PRDM16: variants seen among roughly 807,000 people sequenced by gnomAD.
PRDM16 encodes PR/SET domain 16.
In PRDM16, 23 loss-of-function variants were observed where a neutral mutation model predicts 110.6. That is an observed-to-expected ratio of 0.21 (90% CI 0.15 to 0.29). The LOEUF is 0.29. Among genes scored for constraint, PRDM16 ranks in the 10% least tolerant of loss-of-function variants. The pLI is 1.00. For missense variants in PRDM16, 1,615 were observed against 1,794.3 expected, an observed-to-expected ratio of 0.90 and a Z score of 1.81; for synonymous variants, 799 against 781.8, an observed-to-expected ratio of 1.02 and a Z score of -0.37.
At chr1:3,241,022 A>C (rs1639659620) in intron 2 of PRDM16, among the ~76,000 whole-genome samples, 1 of 152,222 alleles carries the variant, frequency 6.6e-6, no homozygotes, top group African/African-American at 2.4e-5. Flanking sequence ...CTGAGGGCCC[A>C]GCTAGCAAAA....
intron 1 of PRDM16, among the ~76,000 whole-genome samples, chr1:3,180,163 T>C (rs75969074): frequency 0.052 from 7,969 of 151,954 alleles, 227 homozygotes; most frequent in Admixed American, 0.072. Context: ...CTGTTGTTTC[T>C]GTTTTTTGTT....
intron 3 of PRDM16, among the ~76,000 whole-genome samples, chr1:3,303,679 A>G (rs562365518): frequency 1.3e-4 from 20 of 152,334 alleles, no homozygotes; most frequent in African/African-American, 4.8e-4. Flanking sequence ...CATTCCCACC[A>G]GTAGTGTGAG....
At chr1:3,079,032 GGTGGCTGC>G (rs372941011) in intron 1 of PRDM16, among the ~76,000 whole-genome samples, 46 of 152,354 alleles carry the variant, frequency 3.0e-4, no homozygotes, top group African/African-American at 1.0e-3. Context: ...GTGACCGCAG[GGTGGCTGC>G]GGTCCTCCCC....
chr1:3,102,241 C>T (rs886781387), intron 1 of PRDM16, among the ~76,000 whole-genome samples: 1 of 152,164 alleles, frequency 6.6e-6, no homozygotes, highest in Non-Finnish European at 1.5e-5. Flanking sequence ...GCCTCCCCAG[C>T]GGGGCTGGGA....
At chr1:3,178,220 G>T (rs554542078) in intron 1 of PRDM16, among the ~76,000 whole-genome samples, 3 of 152,340 alleles carry the variant, frequency 2.0e-5, no homozygotes, top group Admixed American at 2.0e-4. Flanking sequence ...TTTCATGAGA[G>T]AAAGCAGTTG....
intron 1 of PRDM16, among the ~76,000 whole-genome samples, chr1:3,094,853 G>C (rs1642358786): frequency 6.6e-6 from 1 of 151,750 alleles, no homozygotes; most frequent in Non-Finnish European, 1.5e-5. Context: ...CTCTGGGTGG[G>C]AAGGAGGGGG....
chr1:3,127,685 C>A lies in PRDM16; in HGVS notation c.37+58389C>A, dbSNP rs746159009. On this transcript the variant is annotated intron_variant, in intron 1 of 16. Coordinates refer to ENST00000270722, the MANE Select transcript of PRDM16 (RefSeq NM_022114.4). ...CAGTAGGACGAGGGTTGAGAGGGAC[C>A]CCCCTGGGCCATGTCCCCCTTGCGG... 4.3e-4 allele frequency among the ~76,000 whole-genome samples: 65 copies of A among 152,270 alleles called. 1 individual carries two copies. Among genetic ancestry groups the A allele is most frequent in the Non-Finnish European group, 8.5e-4 (58 of 68,052 alleles).
intron 12 of PRDM16, among the ~76,000 whole-genome samples, chr1:3,423,051 G>T (rs942045834): frequency 6.6e-6 from 1 of 152,246 alleles, no homozygotes; most frequent in African/African-American, 2.4e-5. Context: ...GCCAGAGTGA[G>T]CCTGGCCTCC....
At chr1:3,317,553 T>G (rs1033211681) in intron 3 of PRDM16, among the ~76,000 whole-genome samples, 1 of 152,194 alleles carries the variant, frequency 6.6e-6, no homozygotes, top group Non-Finnish European at 1.5e-5. Context: ...CCCCACTCCC[T>G]CTCAGTGCCT....
At chr1:3,217,183 C>T (rs975691841) in intron 2 of PRDM16, among the ~76,000 whole-genome samples, 1 of 152,272 alleles carries the variant, frequency 6.6e-6, no homozygotes, top group African/African-American at 2.4e-5. Flanking sequence ...GGGCATTCGC[C>T]CGTGTGTGAG....
At chr1:3,313,209 T>C (rs1409063323) in intron 3 of PRDM16, among the ~76,000 whole-genome samples, 2 of 152,218 alleles carry the variant, frequency 1.3e-5, no homozygotes, top group East Asian at 3.9e-4. Context: ...CACGGAGCCT[T>C]AGACATCGAG....
chr1:3,127,772 C>T (rs996919087), intron 1 of PRDM16, among the ~76,000 whole-genome samples: 4 of 152,212 alleles, frequency 2.6e-5, no homozygotes, highest in African/African-American at 7.2e-5. Context: ...AGTGTGAAGG[C>T]CTGAGGCCTG....
At chr1:3,383,667 C>T (rs1345386136) in intron 3 of PRDM16, among the ~76,000 whole-genome samples, 4 of 152,134 alleles carry the variant, frequency 2.6e-5, no homozygotes, top group Admixed American at 6.5e-5. Context: ...AGCACCAGGC[C>T]CGAAATGGCT....
intron 2 of PRDM16, among the ~76,000 whole-genome samples, chr1:3,187,798 C>T (rs1644287621): frequency 6.6e-6 from 1 of 152,156 alleles, no homozygotes; most frequent in African/African-American, 2.4e-5. Context: ...AGGAGCTACT[C>T]CCTGAGTGTC....
At chr1:3,238,983 G>A (rs531792389) in intron 2 of PRDM16, among the ~76,000 whole-genome samples, 3 of 152,336 alleles carry the variant, frequency 2.0e-5, no homozygotes, top group South Asian at 2.1e-4. Context: ...GAGGAGGTCC[G>A]CGTCTGCGGT....
chr1:3,349,366 A>C (rs1334491172), intron 3 of PRDM16, among the ~76,000 whole-genome samples: 1 of 152,174 alleles, frequency 6.6e-6, no homozygotes, highest in Non-Finnish European at 1.5e-5. Context: ...CACCGTGCTT[A>C]ATGAGGTCAT....
Position 3,438,281 on chromosome 1 carries a change from G to A in PRDM16, c.*4470G>A, listed in dbSNP as rs1638960022. ...GGAAAATTCTGTAGATGCACTTATT[G>A]AATATGTGATTAGGATCTACGTCTG... On this transcript the variant is annotated 3_prime_UTR_variant, in exon 17 of 17. Transcript: ENST00000270722. The A allele has an allele frequency of 5.0e-6, 1 of 200,708 alleles. No individual in the cohort carries two copies. Among genetic ancestry groups the A allele is most frequent in the African/African-American group, 2.3e-5 (1 of 43,490 alleles). The allele number at this position is 200,708 out of a possible 1,614,324, so 12.4% of individuals were successfully genotyped here.
intron 3 of PRDM16, among the ~76,000 whole-genome samples, chr1:3,311,224 G>A (rs1044633507): frequency 3.9e-5 from 6 of 152,324 alleles, no homozygotes; most frequent in Middle Eastern, 3.4e-3. Context: ...TGCAGTGGCC[G>A]CGGCGCTGCC....
At chr1:3,310,190 G>A (rs1206885856) in intron 3 of PRDM16, 2 of 152,228 alleles carry the variant, frequency 1.3e-5, no homozygotes, top group Admixed American at 1.3e-4. Flanking sequence ...CTGTACGATG[G>A]GTATCATGGT....
Sources: allele counts gnomAD v4.1 joint callset (sites outside exome capture counted in the v4.1 genomes callset), GRCh38; gene constraint gnomAD v4.1.1; transcripts MANE v1.5; gene names NCBI Gene and HGNC (gene_info 2026-07-23, HGNC 2026-07-21).